NR3C2: variants seen among roughly 807,000 people sequenced by gnomAD.
NR3C2 encodes nuclear receptor subfamily 3 group C member 2, also known as mineralocorticoid receptor.
Under a neutral mutation model 86.4 loss-of-function variants are expected in NR3C2, and 15 were observed. The observed-to-expected ratio is 0.17, with a 90% confidence interval of 0.12 to 0.27. The LOEUF is 0.27. Among genes scored for constraint, NR3C2 ranks in the 10% least tolerant of loss-of-function variants. The probability of loss-of-function intolerance (pLI) is 1.00; values close to 1 mark genes in which losing one functional copy is unlikely to be tolerated. For synonymous variants in NR3C2, 458 were observed against 450.5 expected (o/e 1.02, Z -0.21); for missense variants, 960 against 1,195.6 (o/e 0.80, Z 2.91).
At chr4:148,118,013 C>T (rs1196438649) in intron 7 of NR3C2, among the ~76,000 whole-genome samples, 2 of 152,168 alleles carry the variant, frequency 1.3e-5, no homozygotes, top group African/African-American at 4.8e-5. Flanking sequence ...CCATTTCATA[C>T]GGCTCAGAGT....
intron 2 of NR3C2, among the ~76,000 whole-genome samples, chr4:148,421,630 C>T (rs1424903524): frequency 6.6e-6 from 1 of 152,178 alleles, no homozygotes; most frequent in Non-Finnish European, 1.5e-5. Context: ...CTGACTCTGA[C>T]AGTCATGGAC....
intron 4 of NR3C2, among the ~76,000 whole-genome samples, chr4:148,162,683 C>T (rs1238512387): frequency 6.6e-6 from 1 of 152,210 alleles, no homozygotes; most frequent in Non-Finnish European, 1.5e-5. Context: ...TCGCATGGGG[C>T]TGAGGCTGCC....
chr4:148,171,395 C>G (rs574967088), intron 4 of NR3C2, among the ~76,000 whole-genome samples: 115 of 152,326 alleles, frequency 7.5e-4, no homozygotes, highest in Non-Finnish European at 1.4e-3. Flanking sequence ...ACATTTTTAT[C>G]AGGGATGAAT....
intron 2 of NR3C2, among the ~76,000 whole-genome samples, chr4:148,316,042 T>C (rs1424557112): frequency 6.6e-6 from 1 of 152,166 alleles, no homozygotes; most frequent in Non-Finnish European, 1.5e-5. Context: ...TAATGCCAAC[T>C]AGAATGGTTA....
chr4:148,266,346 C>G (rs918676320), intron 2 of NR3C2, among the ~76,000 whole-genome samples: 20 of 152,204 alleles, frequency 1.3e-4, no homozygotes, highest in African/African-American at 3.4e-4. Context: ...GTTGGGATTA[C>G]AGGCGTGAGC....
intron 2 of NR3C2, among the ~76,000 whole-genome samples, chr4:148,423,013 G>T (rs1485733011): frequency 2.0e-5 from 3 of 152,014 alleles, no homozygotes; most frequent in African/African-American, 7.3e-5. Flanking sequence ...AGTGGAAAAG[G>T]AACAGGTTTT....
intron 2 of NR3C2, among the ~76,000 whole-genome samples, chr4:148,373,611 G>A (rs1579220590): frequency 6.6e-6 from 1 of 151,608 alleles, no homozygotes; most frequent in East Asian, 1.9e-4. Flanking sequence ...AGTTGCTGGA[G>A]CTACAGGCAC....
intron 2 of NR3C2, among the ~76,000 whole-genome samples, chr4:148,402,915 T>C (rs11724226): frequency 0.41 from 61,550 of 151,922 alleles, 14,364 homozygotes; most frequent in East Asian, 0.75. Context: ...TCTTAAAGGA[T>C]ACACAATAGT....
At chr4:148,400,212 A>G (rs1245903712) in intron 2 of NR3C2, among the ~76,000 whole-genome samples, 5 of 152,214 alleles carry the variant, frequency 3.3e-5, no homozygotes, top group African/African-American at 1.2e-4. Context: ...TCAAAAATTC[A>G]AAAACCTTCA....
chr4:148,401,461 C>CTTT (rs397881130), intron 2 of NR3C2, among the ~76,000 whole-genome samples: 1,749 of 116,800 alleles, frequency 0.015, 68 homozygotes, highest in African/African-American at 0.051. Flanking sequence ...AAAGTTGTCT[C>CTTT]TTTTTTTTTT....
intron 2 of NR3C2, among the ~76,000 whole-genome samples, chr4:148,347,301 C>T (rs931132863): frequency 1.6e-4 from 24 of 151,992 alleles, no homozygotes; most frequent in African/African-American, 5.8e-4. Flanking sequence ...TTAACCCACC[C>T]ATGCTTCTTG....
chr4:148,174,411 A>C (rs1735273212), intron 4 of NR3C2, among the ~76,000 whole-genome samples: 1 of 152,218 alleles, frequency 6.6e-6, no homozygotes, highest in Non-Finnish European at 1.5e-5. Flanking sequence ...ACCTCTATGG[A>C]GTGACAACGA....
At chr4:148,384,731 G>GA (rs1747178576) in intron 2 of NR3C2, among the ~76,000 whole-genome samples, 1 of 151,868 alleles carries the variant, frequency 6.6e-6, no homozygotes, top group African/African-American at 2.4e-5. Flanking sequence ...CAATATAAAT[G>GA]GAAAAAAGTG....
At chr4:148,296,504 C>A (rs1229005503) in intron 2 of NR3C2, among the ~76,000 whole-genome samples, 2 of 151,848 alleles carry the variant, frequency 1.3e-5, no homozygotes, top group Non-Finnish European at 2.9e-5. Flanking sequence ...TGAAACCAAA[C>A]GACTTCATCC....
chr4:148,403,650 A>T (rs1748274463), intron 2 of NR3C2, among the ~76,000 whole-genome samples: 1 of 152,090 alleles, frequency 6.6e-6, no homozygotes, highest in Admixed American at 6.5e-5. Flanking sequence ...TATTAAGACA[A>T]CCTTTTTCTT....
intron 2 of NR3C2, among the ~76,000 whole-genome samples, chr4:148,311,225 T>C (rs1421896112): frequency 6.6e-6 from 1 of 152,168 alleles, no homozygotes; most frequent in Admixed American, 6.6e-5. Context: ...AGCTCTATTC[T>C]TATGACTCTC....
chr4:148,240,522 T>C (rs1470260055), intron 3 of NR3C2, among the ~76,000 whole-genome samples: 1 of 151,964 alleles, frequency 6.6e-6, no homozygotes, highest in East Asian at 1.9e-4. Flanking sequence ...AAGGGGAGGC[T>C]CTCATTGCTA....
chr4:148,211,136 T>C (rs1456339282), intron 3 of NR3C2, among the ~76,000 whole-genome samples: 2 of 152,184 alleles, frequency 1.3e-5, no homozygotes, highest in African/African-American at 4.8e-5. Context: ...GAGTCTTAAG[T>C]TGCAAACTAG....
In NR3C2 at chr4:148,078,948, A is replaced by G. The variant is rs1008415736; in HGVS notation, c.*2396T>C. The G allele has an allele frequency of 2.6e-5, 4 of 152,658 alleles. No individual in the cohort carries two copies. The highest frequency in any genetic ancestry group is 9.6e-5 in the African/African-American group (4 of 41,462). The allele number at this position is 152,658 out of a possible 1,614,324, so 9.5% of individuals were successfully genotyped here. On this transcript the variant is annotated 3_prime_UTR_variant, in exon 9 of 9. Coordinates refer to ENST00000358102, the MANE Select transcript of NR3C2 (RefSeq NM_000901.5). ...TTTTTAAGAGCAATATGGTACAAAA[A>G]TAAGAGCAGACAGACAATTTGGACT...
Sources: allele counts gnomAD v4.1 joint callset (sites outside exome capture counted in the v4.1 genomes callset), GRCh38; gene constraint gnomAD v4.1.1; transcripts MANE v1.5; gene names NCBI Gene and HGNC (gene_info 2026-07-23, HGNC 2026-07-21).